The following NFKBIZ variants were observed in gnomAD, a reference collection of about 807,000 sequenced individuals.
The protein encoded by NFKBIZ is NF-kappa-B inhibitor zeta.
A neutral mutation model predicts 76.8 loss-of-function variants in NFKBIZ; 19 were observed. That is an observed-to-expected ratio of 0.25 (90% CI 0.17 to 0.36). The LOEUF is 0.36. Among genes scored for constraint, NFKBIZ ranks in the 10% least tolerant of loss-of-function variants. NFKBIZ has a pLI of 1.00. For synonymous variants in NFKBIZ, 368 were observed against 354.8 expected, an observed-to-expected ratio of 1.04 and a Z score of -0.42; for missense variants, 829 against 910.9, an observed-to-expected ratio of 0.91 and a Z score of 1.16.
chr3:101,845,984 T>G (rs1297229974), upstream of NFKBIZ, among the ~76,000 whole-genome samples: 1 of 152,258 alleles, frequency 6.6e-6, no homozygotes, highest in African/African-American at 2.4e-5. Flanking sequence ...TCTTCTTTGC[T>G]TTCGATGGAG....
At position 101,854,694 on chromosome 3, in the gene NFKBIZ, T is replaced by G; in HGVS notation, c.1443+11T>G. 1.9e-6 allele frequency: 3 copies of G among 1,589,108 alleles called. No homozygotes were observed. The highest frequency in any genetic ancestry group is 1.7e-6 in the Non-Finnish European group (2 of 1,158,008). On this transcript the variant is annotated intron_variant, in intron 6 of 11. Transcript: ENST00000326172. Reference sequence around the variant, plus strand: ...GAGCACAATGGACAGGTGAGGACCTTGACAGAGTCTGAAATGGCAAAGAGG... The same window carrying G: ...GAGCACAATGGACAGGTGAGGACCTGGACAGAGTCTGAAATGGCAAAGAGG...
intron 11 of NFKBIZ, chr3:101,858,021 ATATGGT>A (rs1943076139): frequency 1.2e-6 from 1 of 841,614 alleles, no homozygotes; most frequent in African/African-American, 1.8e-5. Flanking sequence ...TACTCATCAA[ATATGGT>A]TATATATTAT....
upstream of NFKBIZ, chr3:101,849,498 G>C: frequency 3.8e-6 from 3 of 780,918 alleles, no homozygotes; most frequent in Non-Finnish European, 5.2e-6. Context: ...TACCCTGGCA[G>C]TCCCGCGCCG....
intron 9 of NFKBIZ, 90 bp downstream of exon 9, chr3:101,855,992 T>C: frequency 8.3e-7 from 1 of 1,205,206 alleles, no homozygotes; most frequent in Non-Finnish European, 1.1e-6. Flanking sequence ...TTCAAACTTC[T>C]TTCTTTTTTT....
intron 2 of NFKBIZ, among the ~76,000 whole-genome samples, chr3:101,838,938 T>G (rs530023349): frequency 2.0e-5 from 3 of 152,330 alleles, no homozygotes; most frequent in Admixed American, 1.3e-4. Context: ...ACATTAGAGA[T>G]AATGTGTGTA....
At chr3:101,850,164 G>A (rs1035013293) in intron 1 of NFKBIZ, 25 of 395,602 alleles carry the variant, frequency 6.3e-5, no homozygotes, top group African/African-American at 4.8e-4. Flanking sequence ...CCGCTCGGCC[G>A]AGCTCTGACT....
chr3:101,849,040 C>G (rs1448065249), upstream of NFKBIZ: 1 of 152,542 alleles, frequency 6.6e-6, no homozygotes, highest in African/African-American at 2.4e-5. Flanking sequence ...CAGAGGGGTG[C>G]GGGGCGCGCT....
At chr3:101,846,253 A>C (rs1366230909), upstream of NFKBIZ, among the ~76,000 whole-genome samples, 3 of 152,238 alleles carry the variant, frequency 2.0e-5, no homozygotes, top group Admixed American at 2.0e-4. Context: ...TCCTCGTAAC[A>C]TGGTGGCTGT....
At chr3:101,832,169 C>T (rs1446353408) in intron 2 of NFKBIZ, among the ~76,000 whole-genome samples, 1 of 152,018 alleles carries the variant, frequency 6.6e-6, no homozygotes, top group Non-Finnish European at 1.5e-5. Context: ...AAACTCCTGG[C>T]CTCAAGGGAT....
rs1943120538 is a variant in NFKBIZ, at chr3:101,860,718, G to A, written c.*1347G>A. 6.6e-6 allele frequency: 1 copy of A among 151,048 alleles called. No individual in the cohort carries two copies. Among genetic ancestry groups the A allele is most frequent in the African/African-American group, 2.4e-5 (1 of 41,014 alleles). 9.4% of individuals were successfully genotyped at this position (151,048 alleles called of 1,614,324 possible). The stretch of plus-strand genomic sequence containing the variant: ...ATTAACATTATTTTGCTTGCCGCTG[G>A]CATGCCTGAGGAATGTATTTGGCTT... On this transcript the variant is annotated 3_prime_UTR_variant, in exon 12 of 12. Transcript: ENST00000326172.
chr3:101,856,562 T>G (rs1225283186), intron 9 of NFKBIZ: 1 of 152,646 alleles, frequency 6.6e-6, no homozygotes, highest in East Asian at 1.9e-4. Context: ...TTGTAGGATG[T>G]GGAATTCATC....
At chr3:101,830,823 T>C (rs1693802049) in intron 2 of NFKBIZ, among the ~76,000 whole-genome samples, 2 of 152,324 alleles carry the variant, frequency 1.3e-5, no homozygotes, top group South Asian at 4.1e-4. Flanking sequence ...ATGGGAAATA[T>C]AACCACGACA....
intron 6 of NFKBIZ, 148 bp downstream of exon 6, chr3:101,854,831 C>A: frequency 1.3e-6 from 1 of 755,912 alleles, no homozygotes; most frequent in Non-Finnish European, 2.1e-6. Context: ...TTGCTACCAT[C>A]AACCTTGAAG....
intron 2 of NFKBIZ, among the ~76,000 whole-genome samples, chr3:101,831,759 A>G (rs1465197164): frequency 5.3e-5 from 8 of 151,530 alleles, no homozygotes; most frequent in Non-Finnish European, 1.5e-5. Context: ...TCATGCCTCA[A>G]CCTCCTGAGT....
chr3:101,857,543 G>A (rs1203640771), intron 11 of NFKBIZ, 84 bp downstream of exon 11: 2 of 1,570,222 alleles, frequency 1.3e-6, no homozygotes, highest in South Asian at 1.2e-5. Context: ...CAGGGCGAAG[G>A]CCAGCTGTTG....
At chr3:101,840,850 G>C (rs1942777338) in intron 2 of NFKBIZ, among the ~76,000 whole-genome samples, 1 of 152,136 alleles carries the variant, frequency 6.6e-6, no homozygotes, top group Admixed American at 6.5e-5. Flanking sequence ...ACACCTAGTG[G>C]GTGCTCAGAA....
At chr3:101,844,423 G>T (rs1942824514) in intron 2 of NFKBIZ, among the ~76,000 whole-genome samples, 1 of 152,138 alleles carries the variant, frequency 6.6e-6, no homozygotes, top group Non-Finnish European at 1.5e-5. Context: ...TCATTTTGTT[G>T]CTGCTGCCTT....
chr3:101,837,529 A>G (rs1942737679), intron 2 of NFKBIZ, among the ~76,000 whole-genome samples: 1 of 151,994 alleles, frequency 6.6e-6, no homozygotes, highest in Admixed American at 6.6e-5. Context: ...AAGAAAAAAA[A>G]AGAAAAATCA....
intron 11 of NFKBIZ, chr3:101,858,471 C>A: frequency 1.0e-6 from 1 of 983,798 alleles, no homozygotes; most frequent in Non-Finnish European, 1.2e-6. Context: ...GCTTCTACTT[C>A]ACTGTTTGTG....
Sources: allele counts gnomAD v4.1 joint callset (sites outside exome capture counted in the v4.1 genomes callset), GRCh38; gene constraint gnomAD v4.1.1; transcripts MANE v1.5; gene names NCBI Gene and HGNC (gene_info 2026-07-23, HGNC 2026-07-21).